PAH: variants seen among roughly 807,000 people sequenced by gnomAD.
PAH encodes phenylalanine hydroxylase.
A neutral mutation model predicts 62.0 loss-of-function variants in PAH; 64 were observed. The observed-to-expected ratio is 1.03, with a 90% CI of 0.84 to 1.27. PAH has a LOEUF of 1.27. Among genes scored for constraint, PAH ranks in the 50% most tolerant of loss-of-function variants. The pLI is 0.00. For missense variants in PAH, 579 were observed against 542.8 expected, an observed-to-expected ratio of 1.07 and a Z score of -0.66; for synonymous variants, 195 against 196.2, an observed-to-expected ratio of 0.99 and a Z score of 0.05.
chr12:102,932,738 C>G (rs771082034), intron 1 of PAH, among the ~76,000 whole-genome samples: 1 of 152,126 alleles, frequency 6.6e-6, no homozygotes, highest in Non-Finnish European at 1.5e-5. Flanking sequence ...TTCACTCTTA[C>G]GGGAACTTCA....
chr12:102,849,659 A>G (rs922879219), intron 8 of PAH, among the ~76,000 whole-genome samples: 2 of 152,210 alleles, frequency 1.3e-5, no homozygotes, highest in Admixed American at 6.5e-5. Context: ...AACCAAATTC[A>G]AATTCTTAGC....
intron 1 of PAH, chr12:102,923,704 C>T (rs1030752331): frequency 6.6e-6 from 1 of 152,192 alleles, no homozygotes; most frequent in African/African-American, 2.4e-5. Context: ...GAACTGTCTA[C>T]ACCTAAGATG....
intron 2 of PAH, among the ~76,000 whole-genome samples, chr12:102,908,770 A>G (rs1878083503): frequency 6.6e-6 from 1 of 151,892 alleles, no homozygotes; most frequent in African/African-American, 2.4e-5. Context: ...TTTAGTTTAT[A>G]TCTAAAGTCC....
At chr12:102,948,953 T>TG (rs1431224755) in intron 1 of PAH, among the ~76,000 whole-genome samples, 116 of 152,300 alleles carry the variant, frequency 7.6e-4, no homozygotes, top group Middle Eastern at 6.8e-3. Context: ...GAAGAATTAA[T>TG]GGAATAGAAT....
At chr12:102,899,552 T>C (rs547037008) in intron 2 of PAH, among the ~76,000 whole-genome samples, 3 of 152,198 alleles carry the variant, frequency 2.0e-5, no homozygotes, top group African/African-American at 4.8e-5. Context: ...AATGGAAGAT[T>C]AGGCAATCAT....
rs1205589220 is a variant in PAH, at chr12:102,868,117, CATATATGTGTAT to C, written c.442-1466_442-1455del. Among the ~76,000 whole-genome samples, 3 of 6,034 alleles carry C rather than the reference CATATATGTGTAT, an allele frequency of 5.0e-4. 1 individual carries two copies. Among genetic ancestry groups the C allele is most frequent in the Non-Finnish European group, 9.8e-4 (3 of 3,076 alleles). 4.0% of individuals were successfully genotyped at this position (6,034 alleles called of 152,430 possible). ...ATATATATATATACACATATATATA[CATATATGTGTAT>C]ATATATATATATATATATATATATA... On this transcript the variant is annotated intron_variant, in intron 4 of 12. Transcript: ENST00000553106.
intron 11 of PAH, among the ~76,000 whole-genome samples, chr12:102,842,114 TC>T (rs1874618969): frequency 1.3e-5 from 2 of 152,186 alleles, no homozygotes; most frequent in Non-Finnish European, 2.9e-5. Context: ...GGCAAGCTCT[TC>T]CCTGCTGGTC....
chr12:102,926,499 A>G (rs1375867452), intron 1 of PAH, among the ~76,000 whole-genome samples: 1 of 152,040 alleles, frequency 6.6e-6, no homozygotes, highest in Non-Finnish European at 1.5e-5. Flanking sequence ...TAACTGGTTC[A>G]TAGCCAGTTG....
intron 1 of PAH, among the ~76,000 whole-genome samples, chr12:102,915,660 C>T (rs1878354129): frequency 6.6e-6 from 1 of 152,154 alleles, no homozygotes; most frequent in African/African-American, 2.4e-5. Context: ...TTCCTTGGAT[C>T]TTGACTCCAA....
chr12:102,922,236 C>A (rs1466362823), upstream of PAH, among the ~76,000 whole-genome samples: 2 of 148,784 alleles, frequency 1.3e-5, no homozygotes, highest in East Asian at 3.9e-4. Context: ...GCTCTGTTGC[C>A]AGGCTGGAAT....
chr12:102,895,869 A>AAAAAAAATATATATATAT (rs953209518), intron 2 of PAH, among the ~76,000 whole-genome samples: 37 of 118,704 alleles, frequency 3.1e-4, no homozygotes, highest in African/African-American at 1.3e-3. Context: ...AAAAAAAAAA[A>AAAAAAAATATATATATAT]ATATATATAT....
At chr12:102,958,141 C>T in intron 1 of PAH, 12 of 808,220 alleles carry the variant, frequency 1.5e-5, no homozygotes, top group Non-Finnish European at 2.1e-5. Context: ...CTTTTCTTTC[C>T]CTCTCTGTTC....
In PAH at chr12:102,957,359, C is replaced by T. The variant is rs1879947469; in HGVS notation, c.-96+836G>A. Among the ~76,000 whole-genome samples the T allele has an allele frequency of 6.6e-6, 1 of 152,178 alleles. No homozygotes were observed. Among genetic ancestry groups the T allele is most frequent in the Non-Finnish European group, 1.5e-5 (1 of 68,034 alleles). ...CCCCCACCCCCTTCCTAAAGCCACC[C>T]CCGGCAGCAGCCCGCCCCGAGCGCG... On this transcript the variant is annotated intron_variant, in intron 1 of 4. Coordinates refer to the PAH transcript ENST00000551337. The surrounding 1 kb of genome is among the most constrained non-coding windows in gnomAD (Gnocchi z 4.1).
chr12:102,958,376 AGCGGC>A, upstream of PAH: 1 of 1,448,392 alleles, frequency 6.9e-7, no homozygotes, highest in Non-Finnish European at 9.1e-7. Context: ...CAGCCGCCGC[AGCGGC>A]AGCGCAGAGC....
chr12:102,891,486 C>G (rs1465732515), intron 3 of PAH, among the ~76,000 whole-genome samples: 1 of 152,146 alleles, frequency 6.6e-6, no homozygotes, highest in Non-Finnish European at 1.5e-5. Flanking sequence ...TTTGGTCGCT[C>G]TTGTGCTCAT....
intron 4 of PAH, among the ~76,000 whole-genome samples, chr12:102,870,083 C>A (rs1315314259): frequency 6.6e-6 from 1 of 152,004 alleles, no homozygotes; most frequent in Non-Finnish European, 1.5e-5. Flanking sequence ...CGAGAGAGTT[C>A]TACAGGATGC....
chr12:102,905,020 T>C (rs1877919623), intron 2 of PAH, among the ~76,000 whole-genome samples: 1 of 152,176 alleles, frequency 6.6e-6, no homozygotes. Flanking sequence ...ATCTTTCTCA[T>C]CTTCACGCTT....
intron 2 of PAH, among the ~76,000 whole-genome samples, chr12:102,895,854 C>CA (rs780516168): frequency 3.0e-3 from 316 of 104,924 alleles, no homozygotes; most frequent in Middle Eastern, 5.4e-3. Flanking sequence ...GACTCTGTCT[C>CA]AAAAAAAAAA....
upstream of PAH, among the ~76,000 whole-genome samples, chr12:102,955,225 T>A (rs1879877208): frequency 1.3e-5 from 2 of 152,218 alleles, no homozygotes; most frequent in Non-Finnish European, 2.9e-5. Flanking sequence ...GGTTCTGTCC[T>A]CTACTTCCCT....
Sources: allele counts gnomAD v4.1 joint callset (sites outside exome capture counted in the v4.1 genomes callset), GRCh38; gene constraint gnomAD v4.1.1; non-coding constraint Gnocchi (gnomAD v3.1); transcripts MANE v1.5; gene names NCBI Gene and HGNC (gene_info 2026-07-23, HGNC 2026-07-21).